Variants in SLC22A4 observed in about 807,000 individuals in gnomAD.
SLC22A4 encodes ET transporter.
SLC22A4 carries 39 observed loss-of-function variants against 56.6 expected under a neutral mutation model. The observed-to-expected ratio is 0.69, with a 90% CI of 0.53 to 0.90. The LOEUF (loss-of-function observed/expected upper bound fraction) is 0.90. Ranked by LOEUF, SLC22A4 falls within the 40% of genes least tolerant of loss-of-function variation. The pLI is 0.00. For synonymous variants in SLC22A4, 241 were observed against 281.4 expected, an observed-to-expected ratio of 0.86 and a Z score of 1.44; for missense variants, 594 against 696.5, an observed-to-expected ratio of 0.85 and a Z score of 1.66.
chr5:132,301,599 C>T (rs1174575743), intron 1 of SLC22A4, among the ~76,000 whole-genome samples: 1 of 152,194 alleles, frequency 6.6e-6, no homozygotes, highest in Non-Finnish European at 1.5e-5. Context: ...AACCCAGAGG[C>T]GAGCCAGGTT....
At chr5:132,331,921 G>A (rs1706158949) in intron 6 of SLC22A4, 71 bp downstream of exon 6, 1 of 981,308 alleles carries the variant, frequency 1.0e-6, no homozygotes, top group African/African-American at 1.6e-5. Flanking sequence ...TTAACTCAGA[G>A]GAACATTATG....
At chr5:132,302,033 C>A (rs1323223988) in intron 1 of SLC22A4, among the ~76,000 whole-genome samples, 2 of 152,228 alleles carry the variant, frequency 1.3e-5, no homozygotes. Flanking sequence ...GAAAGTAGAT[C>A]TTGCCAGAGA....
At chr5:132,328,826 T>TAC (rs1479851333) in intron 5 of SLC22A4, among the ~76,000 whole-genome samples, 2 of 17,744 alleles carry the variant, frequency 1.1e-4, no homozygotes, top group African/African-American at 6.1e-4. Flanking sequence ...AGTGCCTTTA[T>TAC]ATATATATAT....
chr5:132,343,795 A>G lies in SLC22A4; in HGVS notation c.1616A>G (p.Glu539Gly). The G allele has an allele frequency of 6.2e-7, 1 of 1,609,488 alleles. No individual in the cohort carries two copies. The highest frequency in any genetic ancestry group is 8.5e-7 in the Non-Finnish European group (1 of 1,176,068). ...GGGAAAAAAACAAGAGACTCAATGG[A>G]GACAGAAGAAAATCCCAAGGTTCTA... ...RSGKKTRDSM[E>G]TEENPKVLIT... The change falls in exon 10 of 10, where the codon GAG becomes GGG. Residue 539 changes from glutamate (E) to glycine (G), a missense_variant. Transcript: ENST00000200652.
chr5:132,313,267 T>G (rs1440677427), intron 2 of SLC22A4, among the ~76,000 whole-genome samples: 2 of 152,212 alleles, frequency 1.3e-5, no homozygotes, highest in African/African-American at 4.8e-5. Flanking sequence ...TGTTGCTGAT[T>G]CAAGAAATAT....
At chr5:132,315,500 G>A (rs156402) in intron 3 of SLC22A4, among the ~76,000 whole-genome samples, 2,368 of 152,302 alleles carry the variant, frequency 0.016, 66 homozygotes, top group African/African-American at 0.054. Context: ...GTGAGCGGGT[G>A]AGGCAGGGAG....
At position 132,334,949 on chromosome 5, in the gene SLC22A4, G is replaced by A. The variant is rs1168365298; in HGVS notation, c.1261+17G>A. ...TACCTGTGGGTAAGAAGTTAACCAA[G>A]ATGAACAGCTTACCAGAAAAGACCC... On this transcript the variant is annotated intron_variant, in intron 7 of 9. Transcript: ENST00000200652. The A allele has an allele frequency of 1.3e-6, 2 of 1,564,350 alleles. No individual in the cohort carries two copies. The highest frequency in any genetic ancestry group is 2.2e-5 in the East Asian group (1 of 44,682).
At position 132,322,344 on chromosome 5, in the gene SLC22A4, C is replaced by T. The variant is rs1472788992; in HGVS notation, c.813C>T (p.Val271=). The change falls in exon 4 of 10, where the codon GTC becomes GTT. Residue 271 remains valine (V), a synonymous_variant. Coordinates refer to ENST00000200652, the MANE Select transcript of SLC22A4 (RefSeq NM_003059.3). The stretch of plus-strand genomic sequence containing the variant: ...TGACGGTGCCGGGAGTGCTGTGTGT[C>T]CCGCTGTGGTGGTGAGTGTGACTCG... The part of the protein sequence containing the change: ...LALTVPGVLC[V]PLWWFIPESP... The T allele has an allele frequency of 1.2e-6, 2 of 1,613,412 alleles. No individual in the cohort carries two copies. The highest frequency in any genetic ancestry group is 1.7e-6 in the Non-Finnish European group (2 of 1,179,912).
At chr5:132,315,636 G>A (rs1377231598) in intron 3 of SLC22A4, among the ~76,000 whole-genome samples, 1 of 152,144 alleles carries the variant, frequency 6.6e-6, no homozygotes, top group East Asian at 1.9e-4. Context: ...AGGGTAAGAG[G>A]GCCAAGGGGA....
intron 9 of SLC22A4, among the ~76,000 whole-genome samples, chr5:132,343,423 C>CA (rs1751278224): frequency 6.6e-6 from 1 of 152,144 alleles, no homozygotes; most frequent in African/African-American, 2.4e-5. Flanking sequence ...ACATTTATAG[C>CA]AAAAAGTGCC....
intron 2 of SLC22A4, 134 bp downstream of exon 2, chr5:132,312,398 A>C (rs1750207965): frequency 1.4e-6 from 1 of 706,480 alleles, no homozygotes; most frequent in Admixed American, 2.0e-5. Context: ...CAGTGATAGG[A>C]GGAGCCCCGA....
Position 132,327,345 on chromosome 5 carries a change from A to C in SLC22A4, c.893A>C (p.Gln298Pro), listed in dbSNP as rs763467165. The change falls in exon 5 of 10, where the codon CAA becomes CCA. Residue 298 changes from glutamine to proline, a missense_variant. By Grantham distance (76) the Gln-to-Pro change is moderately conservative. Transcript: ENST00000200652. ...TTTAGAGAGGCTGAAGATATCATCC[A>C]AAAAGCTGCAAAAATGAACAACATA... ...RRFREAEDII[Q>P]KAAKMNNIAV... The C allele has an allele frequency of 1.4e-5, 23 of 1,611,422 alleles. No homozygotes were observed. Among genetic ancestry groups the C allele is most frequent in the Non-Finnish European group, 2.0e-5 (23 of 1,177,630 alleles).
At chr5:132,319,377 A>T (rs1750466805) in intron 3 of SLC22A4, among the ~76,000 whole-genome samples, 1 of 151,950 alleles carries the variant, frequency 6.6e-6, no homozygotes, top group African/African-American at 2.4e-5. Context: ...ATCTCCCCTC[A>T]TGTCTCTACT....
Position 132,301,506 on chromosome 5 carries a change from C to T in SLC22A4, c.393+6497C>T, listed in dbSNP as rs1158019961. On this transcript the variant is annotated intron_variant, in intron 1 of 9. Coordinates refer to ENST00000200652, the MANE Select transcript of SLC22A4 (RefSeq NM_003059.3). ...GGAGCCTCCAGCAAAGGGCCTGGAC[C>T]TCTGGTGGCACTAGCCTTGTGCTTT... Among the ~76,000 whole-genome samples the T allele has an allele frequency of 2.0e-5, 3 of 152,190 alleles. No homozygotes were observed. The South Asian group carries it at 6.2e-4, about 31-fold the overall frequency.
At chr5:132,307,844 C>T (rs761273748) in intron 1 of SLC22A4, among the ~76,000 whole-genome samples, 1 of 152,092 alleles carries the variant, frequency 6.6e-6, no homozygotes, top group Non-Finnish European at 1.5e-5. Flanking sequence ...GTTCACTTAT[C>T]TTTATGGTCC....
intron 7 of SLC22A4, among the ~76,000 whole-genome samples, chr5:132,335,249 A>T (rs1271167291): frequency 6.6e-6 from 1 of 152,122 alleles, no homozygotes; most frequent in Non-Finnish European, 1.5e-5. Flanking sequence ...CTACTCTCAA[A>T]CATTTTCCCT....
At chr5:132,316,080 G>A (rs1750346684) in intron 3 of SLC22A4, among the ~76,000 whole-genome samples, 1 of 152,208 alleles carries the variant, frequency 6.6e-6, no homozygotes, top group African/African-American at 2.4e-5. Context: ...AAAGGGTGTG[G>A]TCTGGGCTGA....
At chr5:132,309,556 C>G (rs1003088713) in intron 1 of SLC22A4, among the ~76,000 whole-genome samples, 3 of 152,250 alleles carry the variant, frequency 2.0e-5, no homozygotes, top group Non-Finnish European at 4.4e-5. Flanking sequence ...CACCTCACCC[C>G]CCTTCCCAGT....
rs1749736294 is a variant in SLC22A4 at position 132,294,787 on chromosome 5, C to T, written c.171C>T (p.Asn57=). ...GCTGTCGAGTGCCGGACGCCGCGAA[C>T]CTGAGCAGCGCCTGGCGCAACAACA... The part of the protein sequence containing the change: ...EHRCRVPDAA[N]LSSAWRNNSV... Residue 57 remains asparagine (N), a synonymous_variant, in exon 1 of 10, where the codon AAC becomes AAT. Coordinates refer to ENST00000200652, the MANE Select transcript of SLC22A4 (RefSeq NM_003059.3). This position sits in a 1 kb window ranked among gnomAD's most constrained non-coding sequence, Gnocchi z 5.6. The T allele has an allele frequency of 6.2e-7, 1 of 1,613,312 alleles. No homozygotes were observed. The highest frequency in any genetic ancestry group is 2.2e-5 in the East Asian group (1 of 44,876).
Sources: allele counts gnomAD v4.1 joint callset (sites outside exome capture counted in the v4.1 genomes callset), GRCh38; gene constraint gnomAD v4.1.1; non-coding constraint Gnocchi (gnomAD v3.1); transcripts MANE v1.5; gene names NCBI Gene and HGNC (gene_info 2026-07-23, HGNC 2026-07-21).